Variants in HTT observed in about 807,000 individuals in gnomAD.
HTT encodes huntingtin, also known as huntington disease protein.
HTT carries 104 observed loss-of-function variants against 362.3 expected under a neutral mutation model. The ratio of observed to expected loss-of-function variants is 0.29; its 90% confidence interval spans 0.24 to 0.34. The LOEUF (loss-of-function observed/expected upper bound fraction) is 0.34. Ranked by LOEUF, HTT falls within the 10% of genes least tolerant of loss-of-function variation. HTT has a pLI of 1.00. For synonymous variants in HTT, 1,577 were observed against 1,548.7 expected (o/e 1.02, Z -0.43); for missense variants, 3,301 against 3,928.6 (o/e 0.84, Z 4.27).
chr4:3,237,823 C>T (rs1406164115), intron 64 of HTT, among the ~76,000 whole-genome samples: 2 of 152,098 alleles, frequency 1.3e-5, no homozygotes, highest in Non-Finnish European at 2.9e-5. Context: ...GGATACTGCT[C>T]AGGGGGCGTG....
intron 26 of HTT, among the ~76,000 whole-genome samples, chr4:3,153,863 A>G (rs1378018956): frequency 2.6e-5 from 4 of 152,078 alleles, no homozygotes; most frequent in Admixed American, 2.0e-4. Flanking sequence ...GGTTGAGGCT[A>G]CAATGAAATA....
intron 3 of HTT, 49 bp downstream of exon 3, chr4:3,099,443 G>T (rs770282786): frequency 1.9e-6 from 3 of 1,606,338 alleles, no homozygotes. Flanking sequence ...ATTGTTGTAG[G>T]CTGAGAGAAG....
At chr4:3,160,167 C>A in intron 28 of HTT, 115 bp from the exon 29 acceptor site, 1 of 674,046 alleles carries the variant, frequency 1.5e-6, no homozygotes. Flanking sequence ...GGTGAGTGTA[C>A]GGCGCCGCAC....
At position 3,187,881 on chromosome 4, in the gene HTT, T is replaced by A. The variant is rs1363209620; in HGVS notation, c.5220T>A (p.Phe1740Leu). Reference protein sequence around the residue: ...KQIKNLPEETFSRFLLQLVGI... With the variant: ...KQIKNLPEETLSRFLLQLVGI... ...TAAAGAATTTGCCAGAAGAAACATT[T>A]TCAAGGTATGCTTTCTATCTGAGCC... Residue 1740 changes from phenylalanine (F) to leucine (L), a missense_variant, in exon 39 of 67, where the codon TTT becomes TTA. Coordinates refer to ENST00000355072, the MANE Select transcript of HTT (RefSeq NM_001388492.1). 2.5e-6 allele frequency: 4 copies of A among 1,596,948 alleles called. No homozygotes were observed. Among genetic ancestry groups the A allele is most frequent in the Admixed American group, 3.3e-5 (2 of 59,878 alleles).
At chr4:3,104,031 G>A in intron 4 of HTT, 148 bp downstream of exon 4, 1 of 568,818 alleles carries the variant, frequency 1.8e-6, no homozygotes. Flanking sequence ...TCACACCATG[G>A]AAAGTTGGAT....
chr4:3,115,584 G>T, intron 7 of HTT, 139 bp downstream of exon 7: 2 of 679,740 alleles, frequency 2.9e-6, no homozygotes, highest in Non-Finnish European at 2.5e-6. Context: ...CTGCACTGGG[G>T]CTGCTGTGAG....
At chr4:3,225,632 A>C in intron 56 of HTT, 29 bp from the exon 57 acceptor site, 1 of 1,604,734 alleles carries the variant, frequency 6.2e-7, no homozygotes, top group Non-Finnish European at 8.5e-7. Flanking sequence ...CCCTGTGCAG[A>C]TCAAGACTCA....
At chr4:3,096,451 A>G (rs548594701) in intron 2 of HTT, among the ~76,000 whole-genome samples, 25 of 152,374 alleles carry the variant, frequency 1.6e-4, no homozygotes, top group African/African-American at 5.0e-4. Context: ...GTTTGCCAAG[A>G]TAGAGCAGAT....
At chr4:3,115,248 A>G (rs1326612386) in intron 6 of HTT, 56 bp from the exon 7 acceptor site, 4 of 1,546,206 alleles carry the variant, frequency 2.6e-6, no homozygotes, top group Non-Finnish European at 3.5e-6. Context: ...TATGTAATAC[A>G]TGATAAGCTT....
chr4:3,166,027 T>A (rs1717685347), intron 29 of HTT, among the ~76,000 whole-genome samples: 1 of 152,174 alleles, frequency 6.6e-6, no homozygotes. Flanking sequence ...TCTGCTATGG[T>A]TTCTCCCCAT....
intron 26 of HTT, among the ~76,000 whole-genome samples, chr4:3,149,820 C>G (rs1039710933): frequency 1.3e-5 from 2 of 152,236 alleles, no homozygotes; most frequent in South Asian, 2.1e-4. Context: ...TTCTTTGGCT[C>G]TCTTGGCCTG....
At chr4:3,152,159 C>T (rs1426977352) in intron 26 of HTT, among the ~76,000 whole-genome samples, 2 of 150,314 alleles carry the variant, frequency 1.3e-5, no homozygotes, top group Non-Finnish European at 3.0e-5. Context: ...AGTGGGTTGG[C>T]GCGATCTCAG....
At chr4:3,224,247 C>T (rs1578605114) in intron 56 of HTT, 116 bp downstream of exon 56, 2 of 1,083,170 alleles carry the variant, frequency 1.8e-6, no homozygotes, top group East Asian at 4.7e-5. Flanking sequence ...GAGTTGGAGG[C>T]TGTGGTGCTA....
chr4:3,086,828 G>A (rs1487367969), intron 1 of HTT, 111 bp from the exon 2 acceptor site: 3 of 634,426 alleles, frequency 4.7e-6, no homozygotes, highest in Admixed American at 2.5e-5. Flanking sequence ...GGAGTATAAC[G>A]GTTTATTCAT....
rs149960588 is a variant in HTT, at chr4:3,124,403, T to C, written c.1322-1146T>C. Reference sequence around the variant, plus strand: ...TGAGAGCTGTGTCTTCAAACTCTTCTGTTATAGCTGGAAAATCCTTTTTAA... The same window carrying C: ...TGAGAGCTGTGTCTTCAAACTCTTCCGTTATAGCTGGAAAATCCTTTTTAA... On this transcript the variant is annotated intron_variant, in intron 10 of 66. Coordinates refer to ENST00000355072, the MANE Select transcript of HTT (RefSeq NM_001388492.1). 1.6e-3 allele frequency among the ~76,000 whole-genome samples: 244 copies of C among 152,326 alleles called. 2 individuals carry two copies. The highest frequency in any genetic ancestry group is 2.9e-3 in the Admixed American group (45 of 15,302).
Position 3,233,235 on chromosome 4 carries a change from G to T in HTT, c.8338G>T (p.Val2780Phe). 7 of 1,608,916 alleles carry T rather than the reference G, an allele frequency of 4.4e-6. No homozygotes were observed. Among genetic ancestry groups the T allele is most frequent in the Non-Finnish European group, 6.0e-6 (7 of 1,176,240 alleles). The change falls in exon 61 of 67, where the codon GTT (valine) becomes TTT (phenylalanine). Residue 2780 changes from valine (V) to phenylalanine (F), a missense_variant. By Grantham distance (50) the Val-to-Phe change is conservative. Coordinates refer to ENST00000355072, the MANE Select transcript of HTT (RefSeq NM_001388492.1). Reference protein sequence around the residue: ...TLRSSHLPSRVGALHGVLYVL... With the variant: ...TLRSSHLPSRFGALHGVLYVL... ...CAGGAGCAGCCACCTGCCCAGCAGG[G>T]TTGGAGCCCTGCACGGCGTCCTCTA...
chr4:3,148,384 G>C (rs1351775843), intron 26 of HTT, among the ~76,000 whole-genome samples, 177 bp downstream of exon 26: 1 of 152,182 alleles, frequency 6.6e-6, no homozygotes, highest in African/African-American at 2.4e-5. Flanking sequence ...GGGTGCAGTG[G>C]CTCGTGCCTG....
intron 26 of HTT, among the ~76,000 whole-genome samples, chr4:3,152,344 C>T (rs902936000): frequency 1.6e-4 from 24 of 152,064 alleles, no homozygotes; most frequent in Admixed American, 1.4e-3. Context: ...GTGATTAGCC[C>T]GCCTCGGCCT....
intron 35 of HTT, among the ~76,000 whole-genome samples, chr4:3,179,028 C>T (rs1048208116): frequency 5.3e-5 from 8 of 152,182 alleles, no homozygotes; most frequent in Admixed American, 4.6e-4. Flanking sequence ...ACTGATCTTC[C>T]AGCATTGCCC....
Sources: gnomAD v4.1 joint callset for allele counts (sites outside exome capture counted in the v4.1 genomes callset) on GRCh38, gnomAD v4.1.1 for gene constraint, MANE v1.5 for transcripts, NCBI Gene and HGNC (gene_info 2026-07-23, HGNC 2026-07-21) for gene names.